Variants in DNAAF1 observed in about 807,000 individuals in gnomAD.
DNAAF1 encodes dynein axonemal assembly factor 1.
A neutral mutation model predicts 71.1 loss-of-function variants in DNAAF1; 65 were observed. The observed-to-expected ratio is 0.91, with a 90% CI of 0.75 to 1.12. DNAAF1 has a LOEUF of 1.12. Ranked by LOEUF, DNAAF1 falls within the 50% of genes most tolerant of loss-of-function variation. The pLI, the probability that DNAAF1 is intolerant of heterozygous loss-of-function variation, is 0.00. For synonymous variants in DNAAF1, 414 were observed against 354.6 expected (o/e 1.17, Z -1.88); for missense variants, 1,178 against 899.8 (o/e 1.31, Z -3.96).
rs2088243982 is a variant in DNAAF1, at chr16:84,170,076, C to T, written c.1248C>T (p.Leu416=). ...GAGGTCCAGAGCCAGAGGGGACCCT[C>T]CCAGCTGAGACCCTGCTACTGTCGT... The part of the protein sequence containing the change: ...EDGGPEPEGT[L]PAETLLLSSP... Residue 416 remains leucine, a synonymous_variant, in exon 8 of 12, where the codon CTC becomes CTT. Transcript: ENST00000378553. The T allele has an allele frequency of 1.2e-6, 2 of 1,612,528 alleles. No homozygotes were observed. The highest frequency in any genetic ancestry group is 1.7e-5 in the Admixed American group (1 of 59,894).
intron 9 of DNAAF1, chr16:84,173,037 T>C: frequency 1.0e-6 from 1 of 990,388 alleles, no homozygotes; most frequent in Non-Finnish European, 1.2e-6. Context: ...GGGGCACGAA[T>C]AGGAGAGGCA....
chr16:84,155,781 C>T, intron 5 of DNAAF1, 32 bp downstream of exon 5: 1 of 1,612,446 alleles, frequency 6.2e-7, no homozygotes, highest in Non-Finnish European at 8.5e-7. Flanking sequence ...AACGAAAAAG[C>T]ACCACAGGAA....
In DNAAF1 at chr16:84,176,088, G is replaced by A. The variant is rs2088637960; in HGVS notation, c.1854G>A (p.Arg618=). The change falls in exon 11 of 12, where the codon CGG becomes CGA. Residue 618 remains arginine (R), a synonymous_variant. Coordinates refer to ENST00000378553, the MANE Select transcript of DNAAF1 (RefSeq NM_178452.6). ...AVSKDTSKAA[R]VPFTDIFKKE... The stretch of plus-strand genomic sequence containing the variant: ...CTAAAGACACCTCAAAGGCGGCTCG[G>A]GTGCCCTTCACAGACATCTTTAAAA... 2 of 1,613,828 alleles carry A rather than the reference G, an allele frequency of 1.2e-6. No individual in the cohort carries two copies. The highest frequency in any genetic ancestry group is 1.7e-6 in the Non-Finnish European group (2 of 1,179,962).
At chr16:84,169,134 C>T (rs1229749007) in intron 7 of DNAAF1, among the ~76,000 whole-genome samples, 1 of 124,578 alleles carries the variant, frequency 8.0e-6, no homozygotes, top group Non-Finnish European at 1.6e-5. Context: ...ACCCAGACTA[C>T]AATGCGGTGA....
rs1405319798 is a variant in DNAAF1, at chr16:84,172,251, G to C, written c.1529-9G>C. The stretch of plus-strand genomic sequence containing the variant: ...TAAACTAACTCCAAGACTTGTTGTT[G>C]CTCTTTAGAACCGACTCCCCAGGCT... On this transcript the variant is annotated splice_polypyrimidine_tract_variant and intron_variant, in intron 8 of 11. Coordinates refer to ENST00000378553, the MANE Select transcript of DNAAF1 (RefSeq NM_178452.6). 2 of 1,613,290 alleles carry C rather than the reference G, an allele frequency of 1.2e-6. No homozygotes were observed. Among genetic ancestry groups the C allele is most frequent in the Non-Finnish European group, 1.7e-6 (2 of 1,179,686 alleles).
intron 3 of DNAAF1, among the ~76,000 whole-genome samples, 181 bp from the exon 4 acceptor site, chr16:84,154,396 C>A (rs78569340): frequency 6.6e-6 from 1 of 152,072 alleles, no homozygotes; most frequent in African/African-American, 2.4e-5. Context: ...TCTCTCATGA[C>A]CTTATCACCT....
intron 6 of DNAAF1, among the ~76,000 whole-genome samples, chr16:84,164,185 CTCACTG>C (rs2087854656): frequency 6.6e-6 from 1 of 151,062 alleles, no homozygotes; most frequent in Non-Finnish European, 1.5e-5. Context: ...ACCACCCGCC[CTCACTG>C]TTTCCCCTAT....
chr16:84,163,752 G>A lies in DNAAF1; in HGVS notation c.864-2031G>A, dbSNP rs1347616474. Among the ~76,000 whole-genome samples the A allele has an allele frequency of 3.9e-5, 6 of 151,920 alleles. 1 individual carries two copies. The highest frequency in any genetic ancestry group is 1.5e-4 in the African/African-American group (6 of 41,370). On this transcript the variant is annotated intron_variant, in intron 6 of 11. Coordinates refer to ENST00000378553, the MANE Select transcript of DNAAF1 (RefSeq NM_178452.6). ...TGTGGTTTCCATCTGCTTTTCCCTG[G>A]TAGATAATGATGTTGAGCACGTTTC...
In DNAAF1 at chr16:84,172,262, C is replaced by A; in HGVS notation, c.1531C>A (p.Pro511Thr). The A allele has an allele frequency of 6.2e-7, 1 of 1,613,892 alleles. No homozygotes were observed. The highest frequency in any genetic ancestry group is 8.5e-7 in the Non-Finnish European group (1 of 1,179,954). Residue 511 changes from proline to threonine, a missense_variant and splice_region_variant, in exon 9 of 12, where the codon CCG (proline) becomes ACG (threonine). Coordinates refer to ENST00000378553, the MANE Select transcript of DNAAF1 (RefSeq NM_178452.6). The part of the protein sequence containing the change: ...PPPLGAAREE[P>T]TPQAVATEGV... ...CAAGACTTGTTGTTGCTCTTTAGAA[C>A]CGACTCCCCAGGCTGTGGCCACTGA...
intron 1 of DNAAF1, among the ~76,000 whole-genome samples, chr16:84,147,864 G>C (rs939180746): frequency 3.9e-5 from 6 of 152,100 alleles, no homozygotes; most frequent in African/African-American, 1.4e-4. Flanking sequence ...TCAGGAGTTT[G>C]AGGACAGCCT....
At chr16:84,155,438 A>G in intron 4 of DNAAF1, 145 bp from the exon 5 acceptor site, 5 of 899,802 alleles carry the variant, frequency 5.6e-6, no homozygotes, top group South Asian at 1.3e-5. Flanking sequence ...TGTGTTGCCC[A>G]GGCTGGTCTC....
intron 7 of DNAAF1, 98 bp from the exon 8 acceptor site, chr16:84,169,761 C>A: frequency 1.3e-6 from 2 of 1,551,246 alleles, no homozygotes; most frequent in South Asian, 2.2e-5. Context: ...GACCTTTTCC[C>A]TGGTCTCAGA....
chr16:84,175,756 G>T, intron 10 of DNAAF1, 177 bp from the exon 11 acceptor site: 1 of 728,534 alleles, frequency 1.4e-6, no homozygotes, highest in Non-Finnish European at 2.3e-6. Flanking sequence ...GCTGTGCCCA[G>T]GGAGTGGCCA....
At chr16:84,148,657 G>T (rs1464804340) in intron 1 of DNAAF1, among the ~76,000 whole-genome samples, 1 of 125,504 alleles carries the variant, frequency 8.0e-6, no homozygotes, top group Non-Finnish European at 1.6e-5. Flanking sequence ...GGAGTACAGT[G>T]GTGTGAACAC....
At chr16:84,150,191 G>T (rs1227951364) in intron 2 of DNAAF1, 60 bp from the exon 3 acceptor site, 14 of 1,288,894 alleles carry the variant, frequency 1.1e-5, no homozygotes, top group Admixed American at 5.1e-5. Flanking sequence ...AGAACTGTGA[G>T]AATATGTTTT....
chr16:84,147,767 A>AAT, intron 1 of DNAAF1, among the ~76,000 whole-genome samples: 1 of 152,234 alleles, frequency 6.6e-6, no homozygotes, highest in African/African-American at 2.4e-5. Context: ...CCCCAAAAAA[A>AAT]AAATAAAAAT....
At chr16:84,149,244 A>AT in intron 2 of DNAAF1, 102 bp downstream of exon 2, 3 of 1,448,348 alleles carry the variant, frequency 2.1e-6, no homozygotes, top group Non-Finnish European at 1.9e-6. Flanking sequence ...TAGAGATTGA[A>AT]TTGCCTGCCC....
At chr16:84,170,780 C>T (rs973098388) in intron 8 of DNAAF1, among the ~76,000 whole-genome samples, 2 of 151,914 alleles carry the variant, frequency 1.3e-5, no homozygotes, top group African/African-American at 4.8e-5. Context: ...TGCAGTGAGC[C>T]AAGATTGTGC....
chr16:84,160,527 C>T (rs1043481530), intron 6 of DNAAF1, among the ~76,000 whole-genome samples: 26 of 151,990 alleles, frequency 1.7e-4, no homozygotes, highest in Middle Eastern at 3.2e-3. Context: ...ATGTATAATC[C>T]GAATTTTGCA....
Sources: gnomAD v4.1 joint callset for allele counts (sites outside exome capture counted in the v4.1 genomes callset) on GRCh38, gnomAD v4.1.1 for gene constraint, MANE v1.5 for transcripts, NCBI Gene and HGNC (gene_info 2026-07-23, HGNC 2026-07-21) for gene names.